The following JPH3 variants were observed in gnomAD, a reference collection of about 807,000 sequenced individuals.
JPH3 encodes the protein junctophilin 3.
Under a neutral mutation model 59.6 loss-of-function variants are expected in JPH3, and 11 were observed. The observed-to-expected ratio is 0.18, with a 90% confidence interval of 0.12 to 0.31. The LOEUF (loss-of-function observed/expected upper bound fraction) is 0.31. JPH3 is among the 10% of genes least tolerant of loss of function. The pLI is 1.00. For missense variants in JPH3, 1,202 were observed against 1,105.7 expected (o/e 1.09, Z -1.24); for synonymous variants, 673 against 483.6 (o/e 1.39, Z -5.14).
intron 2 of JPH3, among the ~76,000 whole-genome samples, chr16:87,666,908 G>C (rs769797532): frequency 4.9e-4 from 74 of 152,354 alleles, no homozygotes; most frequent in Admixed American, 8.5e-4. Context: ...TCTGAACCCA[G>C]GCCGTCGGCT....
At chr16:87,659,868 A>G (rs1254334030) in intron 2 of JPH3, among the ~76,000 whole-genome samples, 1 of 152,110 alleles carries the variant, frequency 6.6e-6, no homozygotes, top group Non-Finnish European at 1.5e-5. Context: ...CCCTTGAAAC[A>G]CTAACTCCCC....
At chr16:87,690,827 C>A (rs894768105) in intron 4 of JPH3, among the ~76,000 whole-genome samples, 3 of 152,248 alleles carry the variant, frequency 2.0e-5, no homozygotes, top group East Asian at 3.8e-4. Context: ...GCAACGTGCT[C>A]AACCCCAGCT....
At chr16:87,650,538 G>A (rs2032296169) in intron 2 of JPH3, among the ~76,000 whole-genome samples, 1 of 152,198 alleles carries the variant, frequency 6.6e-6, no homozygotes, top group Non-Finnish European at 1.5e-5. Flanking sequence ...AGAGGAAGGT[G>A]TGTCAAAAGC....
At chr16:87,651,310 T>A (rs1163483219) in intron 2 of JPH3, among the ~76,000 whole-genome samples, 2 of 152,254 alleles carry the variant, frequency 1.3e-5, no homozygotes, top group Non-Finnish European at 2.9e-5. Flanking sequence ...TTTGCGTGCC[T>A]GCTAACATAA....
chr16:87,629,129 C>T (rs79699304), intron 1 of JPH3, among the ~76,000 whole-genome samples: 1 of 152,118 alleles, frequency 6.6e-6, no homozygotes, highest in African/African-American at 2.4e-5. Flanking sequence ...ACTCACTTCT[C>T]TGAGCCTCTG....
intron 1 of JPH3, among the ~76,000 whole-genome samples, chr16:87,615,862 C>T (rs112595575): frequency 3.3e-5 from 5 of 152,298 alleles, no homozygotes; most frequent in African/African-American, 1.2e-4. Flanking sequence ...CAGCCCCGGG[C>T]ACAGCACCCG....
At chr16:87,631,188 TCCC>T (rs1465183211) in intron 1 of JPH3, among the ~76,000 whole-genome samples, 2 of 152,156 alleles carry the variant, frequency 1.3e-5, no homozygotes, top group Non-Finnish European at 2.9e-5. Context: ...TCCCAATTCT[TCCC>T]CCATTTTCCT....
At chr16:87,630,770 G>A (rs1390702831) in intron 1 of JPH3, among the ~76,000 whole-genome samples, 2 of 152,104 alleles carry the variant, frequency 1.3e-5, no homozygotes, top group Admixed American at 6.5e-5. Flanking sequence ...CGCTTCCTGA[G>A]CTCATGGTCA....
intron 2 of JPH3, chr16:87,654,147 A>T (rs978611103): frequency 6.6e-6 from 1 of 152,012 alleles, no homozygotes; most frequent in African/African-American, 2.4e-5. Flanking sequence ...CCACGAATAC[A>T]TTGTGCCTTC....
chr16:87,683,259 CTT>C (rs950351859), intron 2 of JPH3, among the ~76,000 whole-genome samples: 1 of 152,158 alleles, frequency 6.6e-6, no homozygotes, highest in Admixed American at 6.5e-5. Flanking sequence ...GGCTTGGACT[CTT>C]TCTGTGCACA....
intron 2 of JPH3, among the ~76,000 whole-genome samples, chr16:87,649,215 C>T (rs888481675): frequency 6.6e-6 from 1 of 152,190 alleles, no homozygotes; most frequent in Non-Finnish European, 1.5e-5. Context: ...CCTGTGGGGT[C>T]AGCCTCACCC....
At chr16:87,672,918 G>A (rs1205349562) in intron 2 of JPH3, among the ~76,000 whole-genome samples, 1 of 152,204 alleles carries the variant, frequency 6.6e-6, no homozygotes, top group East Asian at 1.9e-4. Flanking sequence ...GCCGACATGG[G>A]CACATCACCT....
intron 1 of JPH3, among the ~76,000 whole-genome samples, chr16:87,606,180 G>A (rs1026981713): frequency 7.9e-5 from 12 of 152,222 alleles, no homozygotes; most frequent in African/African-American, 7.2e-5. Flanking sequence ...CAGCCATGTC[G>A]CAGTGAGGAA....
intron 1 of JPH3, among the ~76,000 whole-genome samples, chr16:87,621,016 A>C (rs1429554543): frequency 6.6e-6 from 1 of 152,192 alleles, no homozygotes; most frequent in East Asian, 1.9e-4. Context: ...AAAATCAGCC[A>C]GGCATGGTGG....
chr16:87,666,765 C>G (rs960976040), intron 2 of JPH3, among the ~76,000 whole-genome samples: 1 of 152,152 alleles, frequency 6.6e-6, no homozygotes, highest in Admixed American at 6.5e-5. Context: ...ATAAGAGAAC[C>G]CCTAATTTAG....
chr16:87,627,232 T>C (rs1190815789), intron 1 of JPH3, among the ~76,000 whole-genome samples: 1 of 152,104 alleles, frequency 6.6e-6, no homozygotes, highest in African/African-American at 2.4e-5. Context: ...TAAACCCACG[T>C]TGTGGGGCCC....
rs113049769 is a variant in JPH3 at position 87,663,553 on chromosome 16, C to T, written c.1160+18518C>T. ...CCGTTTTCCTTTGTGAGATTTCACC[C>T]ACCAGAAGCACTGGGTGAACACAGC... On this transcript the variant is annotated intron_variant, in intron 2 of 4. Coordinates refer to ENST00000284262, the MANE Select transcript of JPH3 (RefSeq NM_020655.4). Among the ~76,000 whole-genome samples, 650 of 152,326 alleles carry T rather than the reference C, an allele frequency of 4.3e-3. 4 individuals are homozygous for T. Among genetic ancestry groups the T allele is most frequent in the African/African-American group, 0.015 (612 of 41,574 alleles).
At chr16:87,692,050 G>A (rs1406719852) in intron 4 of JPH3, among the ~76,000 whole-genome samples, 1 of 152,160 alleles carries the variant, frequency 6.6e-6, no homozygotes, top group African/African-American at 2.4e-5. Context: ...GGTGCTACAT[G>A]CTGCCCTGGT....
intron 2 of JPH3, among the ~76,000 whole-genome samples, chr16:87,677,183 TATACACACACACACAC>T (rs1357432396): frequency 1.3e-5 from 1 of 75,900 alleles, no homozygotes; most frequent in Non-Finnish European, 2.6e-5. Flanking sequence ...ACTATATATA[TATACACACACACACAC>T]ACACACACAC....
Sources: allele counts gnomAD v4.1 joint callset (sites outside exome capture counted in the v4.1 genomes callset), GRCh38; gene constraint gnomAD v4.1.1; transcripts MANE v1.5; gene names NCBI Gene and HGNC (gene_info 2026-07-23, HGNC 2026-07-21).